The following AKAP19 variants were observed in gnomAD, a reference collection of about 807,000 sequenced individuals.
AKAP19 encodes the protein A-kinase anchoring protein 19.
the AKAP19 span, chr2:190,060,381 C>G: frequency 6.2e-7 from 1 of 1,611,022 alleles, no homozygotes. Context: ...TATTTTAGAG[C>G]TAAATTTAAA....
At chr2:190,183,310 G>C in the AKAP19 span, among the ~76,000 whole-genome samples, 14 of 152,172 alleles carry the variant, frequency 9.2e-5, no homozygotes, top group Non-Finnish European at 2.1e-4. Flanking sequence ...TTGAACTAAT[G>C]AATTCGCTGG....
the AKAP19 span, among the ~76,000 whole-genome samples, chr2:190,114,038 T>C: frequency 0.22 from 33,856 of 152,160 alleles, 4,152 homozygotes; most frequent in Non-Finnish European, 0.28. Flanking sequence ...TTTATTCTTC[T>C]GTTGGTTACT....
chr2:190,024,006 A>T, the AKAP19 span, among the ~76,000 whole-genome samples: 14 of 152,064 alleles, frequency 9.2e-5, no homozygotes, highest in African/African-American at 3.1e-4. Flanking sequence ...TGTACCTATA[A>T]ACGTATACCT....
chr2:190,089,246 C>G, the AKAP19 span, among the ~76,000 whole-genome samples: 1 of 152,012 alleles, frequency 6.6e-6, no homozygotes, highest in Non-Finnish European at 1.5e-5. Flanking sequence ...TTCTCTGATT[C>G]TTTTCATTTA....
chr2:190,021,554 T>C, the AKAP19 span, among the ~76,000 whole-genome samples: 1 of 152,316 alleles, frequency 6.6e-6, no homozygotes, highest in African/African-American at 2.4e-5. Context: ...TGCAGTTAGC[T>C]GATAGCCTCC....
chr2:190,007,679 G>A, the AKAP19 span, among the ~76,000 whole-genome samples: 1 of 152,314 alleles, frequency 6.6e-6, no homozygotes, highest in East Asian at 1.9e-4. Context: ...ATTGAATGCT[G>A]GCCAGGCGCG....
the AKAP19 span, among the ~76,000 whole-genome samples, chr2:190,157,512 T>A: frequency 6.6e-6 from 1 of 152,146 alleles, no homozygotes; most frequent in African/African-American, 2.4e-5. Flanking sequence ...GGTAAAAAAA[T>A]TATGGATATA....
chr2:190,019,394 C>T, the AKAP19 span, among the ~76,000 whole-genome samples: 2 of 152,034 alleles, frequency 1.3e-5, no homozygotes, highest in African/African-American at 2.4e-5. Flanking sequence ...TGGGTGGGGC[C>T]TTTGGGTAGG....
the AKAP19 span, among the ~76,000 whole-genome samples, chr2:190,171,888 C>T: frequency 6.6e-6 from 1 of 152,182 alleles, no homozygotes; most frequent in Non-Finnish European, 1.5e-5. Context: ...ATTTCTGTGG[C>T]ATGATTGGTT....
At chr2:190,065,174 T>C in the AKAP19 span, among the ~76,000 whole-genome samples, 2 of 152,084 alleles carry the variant, frequency 1.3e-5, no homozygotes, top group Admixed American at 6.6e-5. Flanking sequence ...CTCTTATTGA[T>C]TTTGCTTTTT....
chr2:190,152,154 T>A, the AKAP19 span, among the ~76,000 whole-genome samples: 2 of 152,150 alleles, frequency 1.3e-5, no homozygotes, highest in African/African-American at 4.8e-5. Context: ...TGAGACTCCA[T>A]CACTACAAAA....
chr2:189,912,956 T>A, the AKAP19 span, among the ~76,000 whole-genome samples: 1 of 152,162 alleles, frequency 6.6e-6, no homozygotes, highest in Non-Finnish European at 1.5e-5. Flanking sequence ...ACCGCAAAGC[T>A]GTAGAGTATT....
chr2:190,045,672 T>A, the AKAP19 span, among the ~76,000 whole-genome samples: 1 of 152,160 alleles, frequency 6.6e-6, no homozygotes, highest in Non-Finnish European at 1.5e-5. Flanking sequence ...CTCCTACCAG[T>A]GGCTGGGTGG....
At chr2:190,093,989 G>A in the AKAP19 span, among the ~76,000 whole-genome samples, 1 of 152,182 alleles carries the variant, frequency 6.6e-6, no homozygotes, top group Non-Finnish European at 1.5e-5. Context: ...GTGCTGTTAC[G>A]AAAGCAGCAG....
At chr2:190,104,354 A>G in the AKAP19 span, among the ~76,000 whole-genome samples, 1 of 152,224 alleles carries the variant, frequency 6.6e-6, no homozygotes, top group African/African-American at 2.4e-5. Flanking sequence ...ATTAAACCAA[A>G]GAGCTTCTAT....
At chr2:189,906,053 G>A in the AKAP19 span, among the ~76,000 whole-genome samples, 3 of 151,958 alleles carry the variant, frequency 2.0e-5, no homozygotes, top group South Asian at 2.1e-4. Flanking sequence ...TTTCACATTC[G>A]TTTAAACAGA....
the AKAP19 span, among the ~76,000 whole-genome samples, chr2:189,919,088 A>G: frequency 1.3e-5 from 2 of 152,256 alleles, no homozygotes; most frequent in Non-Finnish European, 2.9e-5. Flanking sequence ...GAAAGACTAT[A>G]CGTAGGGTTT....
At chr2:189,967,938 G>A in the AKAP19 span, among the ~76,000 whole-genome samples, 1 of 151,832 alleles carries the variant, frequency 6.6e-6, no homozygotes, top group Admixed American at 6.6e-5. Flanking sequence ...GAGAGCAATA[G>A]CATATAAGTT....
the AKAP19 span, among the ~76,000 whole-genome samples, chr2:190,175,545 C>A: frequency 3.3e-5 from 5 of 152,150 alleles, no homozygotes; most frequent in African/African-American, 1.2e-4. Context: ...CCTGGAGAAC[C>A]AGAATGGGTC....
Sources: gnomAD v4.1 joint callset for allele counts (sites outside exome capture counted in the v4.1 genomes callset) on GRCh38, gnomAD v4.1.1 for gene constraint, MANE v1.5 for transcripts, NCBI Gene and HGNC (gene_info 2026-07-23, HGNC 2026-07-21) for gene names.